ELAVL2: variants seen among roughly 807,000 people sequenced by gnomAD.
ELAVL2 encodes the protein ELAV-like protein 2.
In ELAVL2, 4 loss-of-function variants were observed where a neutral mutation model predicts 34.6. The observed-to-expected ratio is 0.12, with a 90% CI of 0.06 to 0.26. The LOEUF is 0.26. Among genes scored for constraint, ELAVL2 ranks in the 10% least tolerant of loss-of-function variants. ELAVL2 has a pLI of 1.00. For synonymous variants in ELAVL2, 193 were observed against 154.8 expected (o/e 1.25, Z -1.83); for missense variants, 432 against 442.8 (o/e 0.98, Z 0.22).
At chr9:23,815,852 T>C (rs1482123701) in intron 1 of ELAVL2, among the ~76,000 whole-genome samples, 1 of 152,164 alleles carries the variant, frequency 6.6e-6, no homozygotes, top group Admixed American at 6.5e-5. Flanking sequence ...TGTGTGTGAT[T>C]ATTTGTTTAC....
chr9:23,780,938 TAACA>T (rs1193679228), intron 1 of ELAVL2, among the ~76,000 whole-genome samples: 1 of 152,118 alleles, frequency 6.6e-6, no homozygotes, highest in African/African-American at 2.4e-5. Flanking sequence ...AGTCCCAGGC[TAACA>T]AACTAACAGG....
At chr9:23,838,333 G>A in the ELAVL2 span, among the ~76,000 whole-genome samples, 2 of 152,056 alleles carry the variant, frequency 1.3e-5, no homozygotes, top group Non-Finnish European at 2.9e-5. Context: ...AAGCTTGAGG[G>A]CCTATAGCCA....
intron 3 of ELAVL2, 119 bp downstream of exon 3, chr9:23,730,903 A>G: frequency 1.1e-6 from 1 of 874,058 alleles, no homozygotes; most frequent in Non-Finnish European, 1.7e-6. Context: ...AAATTCCACT[A>G]TGTCTCCCAG....
intron 2 of ELAVL2, among the ~76,000 whole-genome samples, chr9:23,733,878 A>G (rs978894676): frequency 2.6e-5 from 4 of 152,182 alleles, no homozygotes; most frequent in African/African-American, 9.7e-5. Context: ...TGGGTCTTCC[A>G]CCTGATACCC....
chr9:23,691,805 G>A lies in ELAVL2; in HGVS notation c.*752C>T, dbSNP rs2033272832. 1 of 152,458 alleles carries A rather than the reference G, an allele frequency of 6.6e-6. No homozygotes were observed. Among genetic ancestry groups the A allele is most frequent in the Non-Finnish European group, 1.5e-5 (1 of 67,950 alleles). The allele number at this position is 152,458 out of a possible 1,614,324, so 9.4% of individuals were successfully genotyped here. ...CTGGTAAATTTTAAAAGCTCACTAG[G>A]TGTCATATGAAGAGATTTCTCAAAG... On this transcript the variant is annotated 3_prime_UTR_variant, in exon 7 of 7. Coordinates refer to ENST00000397312, the MANE Select transcript of ELAVL2 (RefSeq NM_004432.5).
intron 3 of ELAVL2, 145 bp downstream of exon 3, chr9:23,730,877 C>T (rs1587828945): frequency 1.4e-6 from 1 of 696,600 alleles, no homozygotes; most frequent in East Asian, 2.7e-5. Context: ...TTTCTTCCAT[C>T]TTGCAACAAA....
At chr9:23,765,086 T>C in intron 1 of ELAVL2, 1 of 1,602,784 alleles carries the variant, frequency 6.2e-7, no homozygotes, top group African/African-American at 1.3e-5. Context: ...GCCATGTTAG[T>C]TTGGAGTTGC....
intron 1 of ELAVL2, among the ~76,000 whole-genome samples, chr9:23,802,337 C>T (rs1427486985): frequency 2.0e-5 from 3 of 152,224 alleles, no homozygotes; most frequent in Middle Eastern, 3.4e-3. Context: ...TAGCCCACAG[C>T]CTCAATTTTT....
At chr9:23,841,479 C>CCTCTCTCTAGGTTTAAGAATTGTTATACT in the ELAVL2 span, among the ~76,000 whole-genome samples, 21 of 151,890 alleles carry the variant, frequency 1.4e-4, no homozygotes, top group African/African-American at 5.1e-4. Flanking sequence ...ATTGTTATAC[C>CCTCTCTCTAGGTTTAAGAATTGTTATACT]CTCTCTCTAG....
chr9:23,695,960 G>C (rs1380318172), intron 5 of ELAVL2, among the ~76,000 whole-genome samples: 1 of 152,060 alleles, frequency 6.6e-6, no homozygotes, highest in African/African-American at 2.4e-5. Context: ...AGGAGGTTTC[G>C]AATTTTTTAT....
intron 2 of ELAVL2, among the ~76,000 whole-genome samples, chr9:23,738,374 C>T (rs557284716): frequency 2.9e-4 from 44 of 152,188 alleles, no homozygotes; most frequent in Non-Finnish European, 3.8e-4. Flanking sequence ...CATTTAAACA[C>T]TCAAGTTAAG....
At chr9:23,747,944 T>C (rs1253195635) in intron 2 of ELAVL2, among the ~76,000 whole-genome samples, 2 of 152,098 alleles carry the variant, frequency 1.3e-5, no homozygotes, top group Non-Finnish European at 2.9e-5. Context: ...ACTGTTCTAC[T>C]CAGTAACAGA....
intron 2 of ELAVL2, among the ~76,000 whole-genome samples, chr9:23,760,240 G>T (rs2054645622): frequency 6.6e-6 from 1 of 151,946 alleles, no homozygotes; most frequent in South Asian, 2.1e-4. Context: ...TATGAAAGAT[G>T]TATGATTTGT....
intron 1 of ELAVL2, among the ~76,000 whole-genome samples, chr9:23,769,687 T>C (rs1396650914): frequency 1.3e-5 from 2 of 152,216 alleles, no homozygotes; most frequent in East Asian, 3.9e-4. Context: ...CAAACCCACA[T>C]TTTCAGCCTT....
At chr9:23,781,964 G>A (rs143738309) in intron 1 of ELAVL2, among the ~76,000 whole-genome samples, 132 of 152,218 alleles carry the variant, frequency 8.7e-4, no homozygotes, top group African/African-American at 3.1e-3. Flanking sequence ...GATTACAGGC[G>A]TGAGCCACCG....
intron 1 of ELAVL2, among the ~76,000 whole-genome samples, chr9:23,778,882 T>C (rs2058641632): frequency 6.6e-6 from 1 of 152,178 alleles, no homozygotes; most frequent in African/African-American, 2.4e-5. Context: ...TTTGGCCTGT[T>C]TATACTACTA....
chr9:23,795,213 C>T (rs1012506313), intron 1 of ELAVL2, among the ~76,000 whole-genome samples: 4 of 152,068 alleles, frequency 2.6e-5, no homozygotes, highest in Admixed American at 6.6e-5. Flanking sequence ...ATATAAGATT[C>T]CCTAAGAACC....
rs1473875403 is a variant in ELAVL2, at chr9:23,691,594, C to CA, written c.*962dup. On this transcript the variant is annotated 3_prime_UTR_variant, in exon 7 of 7. Coordinates refer to ENST00000397312, the MANE Select transcript of ELAVL2 (RefSeq NM_004432.5). ...TTTTGTAAATTTTTTTTATTTGTTT[C>CA]AAAATCACAAATCAATGTGAGCCAC... 3 of 152,250 alleles carry CA rather than the reference C, an allele frequency of 2.0e-5. No homozygotes were observed. Among genetic ancestry groups the CA allele is most frequent in the African/African-American group, 7.3e-5 (3 of 41,328 alleles). 9.4% of individuals were successfully genotyped at this position (152,250 alleles called of 1,614,324 possible). A position where few individuals can be genotyped will look rare whatever the true frequency, so the allele number is the denominator to read the frequency against.
chr9:23,753,315 C>A (rs768871796), intron 2 of ELAVL2, among the ~76,000 whole-genome samples: 10 of 152,012 alleles, frequency 6.6e-5, no homozygotes, highest in Admixed American at 5.2e-4. Context: ...AATTTTGAAG[C>A]ACAGTTTTAG....
Sources: allele counts gnomAD v4.1 joint callset (sites outside exome capture counted in the v4.1 genomes callset), GRCh38; gene constraint gnomAD v4.1.1; transcripts MANE v1.5; gene names NCBI Gene and HGNC (gene_info 2026-07-23, HGNC 2026-07-21).